TEAD4: variants seen among roughly 807,000 people sequenced by gnomAD.
The protein encoded by TEAD4 is TEA domain transcription factor 4, also known as transcriptional enhancer factor TEF-3.
Under a neutral mutation model 52.4 loss-of-function variants are expected in TEAD4, and 36 were observed. That is an observed-to-expected ratio of 0.69 (90% CI 0.53 to 0.91). TEAD4 has a LOEUF of 0.91. TEAD4 is among the 40% of genes least tolerant of loss of function. The pLI, the probability that TEAD4 is intolerant of heterozygous loss-of-function variation, is 0.00. For synonymous variants in TEAD4, 220 were observed against 231.0 expected (o/e 0.95, Z 0.43); for missense variants, 508 against 583.9 (o/e 0.87, Z 1.34).
At chr12:3,009,018 G>A (rs1191819031) in intron 3 of TEAD4, among the ~76,000 whole-genome samples, 2 of 152,280 alleles carry the variant, frequency 1.3e-5, no homozygotes, top group African/African-American at 2.4e-5. Flanking sequence ...TCATTTTACC[G>A]AAAAGGATAC....
intron 2 of TEAD4, among the ~76,000 whole-genome samples, chr12:2,982,502 C>T (rs2035086325): frequency 6.6e-6 from 1 of 152,244 alleles, no homozygotes; most frequent in African/African-American, 2.4e-5. Flanking sequence ...TCCTGGGTCA[C>T]TGTGGTGCAC....
intron 3 of TEAD4, among the ~76,000 whole-genome samples, chr12:3,010,108 G>C (rs1008365206): frequency 1.3e-5 from 2 of 152,182 alleles, no homozygotes; most frequent in African/African-American, 4.8e-5. Flanking sequence ...TCTCCGTATG[G>C]TTTAACACTA....
At chr12:3,015,105 A>T (rs2098263379) in intron 5 of TEAD4, among the ~76,000 whole-genome samples, 1 of 128,602 alleles carries the variant, frequency 7.8e-6, no homozygotes, top group Admixed American at 7.2e-5. Context: ...CCCCAAAAGG[A>T]CAGTGGGGAG....
At chr12:2,999,436 C>T (rs541237896) in intron 3 of TEAD4, among the ~76,000 whole-genome samples, 26 of 152,198 alleles carry the variant, frequency 1.7e-4, no homozygotes, top group Non-Finnish European at 3.4e-4. Context: ...AGGCCTGCTC[C>T]GAGCTCCGCC....
chr12:3,037,861 T>A, intron 10 of TEAD4, 107 bp from the exon 11 acceptor site: 1 of 1,377,786 alleles, frequency 7.3e-7, no homozygotes, highest in Non-Finnish European at 9.7e-7. Flanking sequence ...TCAGTCTGAT[T>A]TCTTCCCAGC....
chr12:2,995,102 T>G, intron 3 of TEAD4, 110 bp downstream of exon 3: 1 of 1,361,784 alleles, frequency 7.3e-7, no homozygotes. Context: ...CTTGGGGCTT[T>G]GTCGGGTGGA....
intron 10 of TEAD4, among the ~76,000 whole-genome samples, chr12:3,034,045 C>T (rs1256698695): frequency 6.6e-6 from 1 of 151,328 alleles, no homozygotes; most frequent in Non-Finnish European, 1.5e-5. Flanking sequence ...CTCTCTTTCT[C>T]CCCCTGACCC....
intron 10 of TEAD4, among the ~76,000 whole-genome samples, chr12:3,029,225 C>T (rs2153958034): frequency 7.4e-6 from 1 of 134,792 alleles, no homozygotes; most frequent in South Asian, 2.5e-4. Context: ...CACTACTACG[C>T]CTGGCCAATT....
intron 3 of TEAD4, among the ~76,000 whole-genome samples, chr12:3,008,003 A>G (rs2098257277): frequency 6.6e-6 from 1 of 152,234 alleles, no homozygotes; most frequent in Non-Finnish European, 1.5e-5. Flanking sequence ...GTATTTATTG[A>G]GCGCCTACAA....
chr12:3,029,452 A>G (rs1340839551), intron 10 of TEAD4, among the ~76,000 whole-genome samples: 1 of 151,924 alleles, frequency 6.6e-6, no homozygotes, highest in Non-Finnish European at 1.5e-5. Context: ...GTTAGCCAGG[A>G]TGGTCTCGAT....
intron 10 of TEAD4, among the ~76,000 whole-genome samples, chr12:3,028,863 T>C (rs2098273673): frequency 6.6e-6 from 1 of 152,072 alleles, no homozygotes; most frequent in Non-Finnish European, 1.5e-5. Context: ...ACTCCTGAGC[T>C]CAAGCGATTC....
At chr12:2,972,256 A>C (rs545748062) in intron 2 of TEAD4, among the ~76,000 whole-genome samples, 2 of 151,536 alleles carry the variant, frequency 1.3e-5, no homozygotes, top group African/African-American at 2.4e-5. Context: ...TTTTTAAAAC[A>C]TTATTTCTAG....
At chr12:2,998,360 G>A (rs2098248956) in intron 3 of TEAD4, among the ~76,000 whole-genome samples, 2 of 151,986 alleles carry the variant, frequency 1.3e-5, no homozygotes, top group South Asian at 4.2e-4. Context: ...CTGGGGAAGC[G>A]CCGGGCTGTG....
intron 2 of TEAD4, among the ~76,000 whole-genome samples, chr12:2,974,753 C>T (rs112644774): frequency 4.6e-5 from 7 of 152,238 alleles, no homozygotes; most frequent in Non-Finnish European, 5.9e-5. Context: ...CCCAGATGCC[C>T]GTGCTGCTTG....
chr12:2,966,694 A>T (rs1231755518), intron 2 of TEAD4, among the ~76,000 whole-genome samples: 2 of 151,178 alleles, frequency 1.3e-5, no homozygotes, highest in South Asian at 2.1e-4. Context: ...TACAGGTGTG[A>T]GCCACCATGC....
Position 2,994,781 on chromosome 12 carries a change from C to G in TEAD4, c.15C>G (p.Ala5=). 1 of 1,611,758 alleles carries G rather than the reference C, an allele frequency of 6.2e-7. No individual in the cohort carries two copies. Among genetic ancestry groups the G allele is most frequent in the Non-Finnish European group, 8.5e-7 (1 of 1,178,934 alleles). Reference sequence around the variant, plus strand: ...CAAGCGGAGCCTTGGAGGGCACGGCCGGCACCATTACCTCCAACGAGTGGA... The same window carrying G: ...CAAGCGGAGCCTTGGAGGGCACGGCGGGCACCATTACCTCCAACGAGTGGA... Residue 5 remains alanine (A), a synonymous_variant, in exon 3 of 13, where the codon GCC becomes GCG. Transcript: ENST00000359864. This position sits in a 1 kb window ranked among gnomAD's most constrained non-coding sequence, Gnocchi z 4.7.
At chr12:3,017,257 G>A in intron 5 of TEAD4, 141 bp from the exon 6 acceptor site, 1 of 1,106,858 alleles carries the variant, frequency 9.0e-7, no homozygotes, top group Non-Finnish European at 1.3e-6. Context: ...CAAGTTAATA[G>A]CACGGCACAG....
intron 10 of TEAD4, among the ~76,000 whole-genome samples, chr12:3,028,422 G>C (rs1320523698): frequency 6.6e-6 from 1 of 152,060 alleles, no homozygotes; most frequent in Non-Finnish European, 1.5e-5. Context: ...CCACCTGCAG[G>C]GTATGAGGGT....
At chr12:3,007,524 C>T (rs113330587) in intron 3 of TEAD4, among the ~76,000 whole-genome samples, 7,332 of 152,232 alleles carry the variant, frequency 0.048, 581 homozygotes, top group African/African-American at 0.16. Context: ...ATGAGGTTTA[C>T]GCGTTAGGAC....
Sources: gnomAD v4.1 joint callset for allele counts (sites outside exome capture counted in the v4.1 genomes callset) on GRCh38, gnomAD v4.1.1 for gene constraint, Gnocchi (gnomAD v3.1) non-coding constraint, MANE v1.5 for transcripts, NCBI Gene and HGNC (gene_info 2026-07-23, HGNC 2026-07-21) for gene names.